Variants in WDR49 observed in about 807,000 individuals in gnomAD.
WDR49 encodes WD repeat domain 49, also known as cilia- and flagella-associated protein 337.
WDR49 carries 107 observed loss-of-function variants against 119.5 expected under a neutral mutation model. That is an observed-to-expected ratio of 0.90 (90% confidence interval 0.77 to 1.05). The LOEUF is 1.05. WDR49 is among the 50% of genes least tolerant of loss of function. The pLI is 0.00. For synonymous variants in WDR49, 425 were observed against 418.8 expected, an observed-to-expected ratio of 1.01 and a Z score of -0.18; for missense variants, 1,240 against 1,220.5, an observed-to-expected ratio of 1.02 and a Z score of -0.24.
chr3:167,617,905 C>A (rs1308931659), intron 5 of WDR49, among the ~76,000 whole-genome samples: 1 of 152,194 alleles, frequency 6.6e-6, no homozygotes, highest in Non-Finnish European at 1.5e-5. Context: ...CCATGCTGAA[C>A]AAACTACCAA....
intron 14 of WDR49, 133 bp downstream of exon 14, chr3:167,528,919 T>C (rs1752739622): frequency 1.7e-6 from 1 of 576,136 alleles, no homozygotes; most frequent in Non-Finnish European, 2.7e-6. Context: ...AACTTGTAAA[T>C]GTTTTATTTA....
intron 18 of WDR49, among the ~76,000 whole-genome samples, chr3:167,485,031 A>T (rs1373522310): frequency 6.6e-6 from 1 of 152,198 alleles, no homozygotes; most frequent in Non-Finnish European, 1.5e-5. Context: ...GAATGAGTTC[A>T]TGTCCTTTGC....
In WDR49 at chr3:167,601,607, AT is replaced by A. The variant is rs75763653; in HGVS notation, c.1275+519del. Reference sequence around the variant, plus strand: ...CTGGACTCTACGGCTCTAGTGCCATATTTTTTTTTCCACCATATTTAAAATA... The same window carrying A: ...CTGGACTCTACGGCTCTAGTGCCATATTTTTTTTCCACCATATTTAAAATA... On this transcript the variant is annotated intron_variant, in intron 7 of 18. Transcript: ENST00000682715. Among the ~76,000 whole-genome samples the A allele has an allele frequency of 9.9e-3, 1,500 of 151,530 alleles. 118 individuals are homozygous for A. In the East Asian group the frequency reaches 0.2, roughly 20 times the overall value.
chr3:167,525,342 T>C lies in WDR49; in HGVS notation c.2604+2478A>G, dbSNP rs755193316. Among the ~76,000 whole-genome samples, 72 of 152,136 alleles carry C rather than the reference T, an allele frequency of 4.7e-4. 1 individual carries two copies. Among genetic ancestry groups the C allele is most frequent in the Non-Finnish European group, 2.2e-4 (15 of 68,024 alleles). ...GGGGTTTTCTAAATATACAATCACG[T>C]TGTATGCAAACAGAGACAATTTGAC... On this transcript the variant is annotated intron_variant, in intron 15 of 18. Coordinates refer to ENST00000682715, the MANE Select transcript of WDR49 (RefSeq NM_001366157.1).
chr3:167,621,782 A>G, intron 3 of WDR49, 139 bp from the exon 4 acceptor site: 1 of 802,680 alleles, frequency 1.2e-6, no homozygotes, highest in South Asian at 2.2e-5. Flanking sequence ...GAAGTTAAGA[A>G]CAGCGGCACA....
intron 18 of WDR49, among the ~76,000 whole-genome samples, chr3:167,495,883 GAAAAAAAAA>G: frequency 0.21 from 15,211 of 71,746 alleles, 953 homozygotes; most frequent in African/African-American, 0.27. Context: ...TTAAAAATTT[GAAAAAAAAA>G]AAAAAAAAAA....
intron 2 of WDR49, among the ~76,000 whole-genome samples, chr3:167,652,154 G>C (rs1377976648): frequency 1.3e-5 from 2 of 152,136 alleles, no homozygotes; most frequent in Non-Finnish European, 2.9e-5. Flanking sequence ...AATATATGAA[G>C]GTTGAAATGA....
rs73878722 is a variant in WDR49, at chr3:167,484,109, G to A, written c.3032-5113C>T. Among the ~76,000 whole-genome samples, 140 of 152,258 alleles carry A rather than the reference G, an allele frequency of 9.2e-4. 1 individual carries two copies. Among genetic ancestry groups the A allele is most frequent in the African/African-American group, 3.0e-3 (124 of 41,550 alleles). The stretch of plus-strand genomic sequence containing the variant: ...ACCTTGCTGTGATGACTTTCTTGAT[G>A]TATTAAGTTGCCTAGGGTAAAGTCC... On this transcript the variant is annotated intron_variant, in intron 18 of 18. Coordinates refer to ENST00000682715, the MANE Select transcript of WDR49 (RefSeq NM_001366157.1).
intron 3 of WDR49, among the ~76,000 whole-genome samples, chr3:167,622,473 A>C (rs142323225): frequency 3.3e-5 from 5 of 152,184 alleles, no homozygotes; most frequent in African/African-American, 1.2e-4. Flanking sequence ...CATTCTGCCA[A>C]TCTTTGCCCT....
chr3:167,502,982 TC>T (rs1751633179), intron 17 of WDR49, among the ~76,000 whole-genome samples: 1 of 152,150 alleles, frequency 6.6e-6, no homozygotes, highest in Admixed American at 6.5e-5. Flanking sequence ...AGAGCTAATA[TC>T]CAAGACAACA....
chr3:167,547,535 A>G (rs1267018513), intron 10 of WDR49, among the ~76,000 whole-genome samples: 1 of 151,826 alleles, frequency 6.6e-6, no homozygotes, highest in Admixed American at 6.6e-5. Context: ...CACTCTCACC[A>G]GCCCTATTTA....
intron 16 of WDR49, among the ~76,000 whole-genome samples, chr3:167,515,578 A>G (rs1752165725): frequency 6.6e-6 from 1 of 152,188 alleles, no homozygotes; most frequent in Non-Finnish European, 1.5e-5. Context: ...AAACCGGCAC[A>G]AGACAAAGAT....
At chr3:167,570,335 G>A (rs1713858005) in intron 8 of WDR49, among the ~76,000 whole-genome samples, 1 of 151,962 alleles carries the variant, frequency 6.6e-6, no homozygotes, top group Non-Finnish European at 1.5e-5. Context: ...AATTACCAAG[G>A]GAACCACCAA....
intron 2 of WDR49, among the ~76,000 whole-genome samples, chr3:167,633,101 G>T (rs181542621): frequency 9.3e-4 from 141 of 151,872 alleles, no homozygotes; most frequent in Admixed American, 2.2e-3. Context: ...GTGTGTGTGT[G>T]TGTGTGTGTG....
intron 16 of WDR49, among the ~76,000 whole-genome samples, chr3:167,519,857 T>C (rs1752368477): frequency 6.6e-6 from 1 of 151,952 alleles, no homozygotes; most frequent in Admixed American, 6.6e-5. Flanking sequence ...CCAGGAACAA[T>C]AGAAAATAAA....
intron 7 of WDR49, among the ~76,000 whole-genome samples, chr3:167,580,660 T>C (rs1209725398): frequency 2.0e-5 from 3 of 152,160 alleles, no homozygotes; most frequent in African/African-American, 7.2e-5. Context: ...TTTTATTCAG[T>C]CTATATCCTT....
intron 2 of WDR49, among the ~76,000 whole-genome samples, chr3:167,644,724 C>T (rs993622850): frequency 2.0e-5 from 3 of 152,102 alleles, no homozygotes; most frequent in Admixed American, 1.3e-4. Context: ...ACATGTGGTA[C>T]ATTTTATATT....
intron 2 of WDR49, among the ~76,000 whole-genome samples, chr3:167,635,001 T>A (rs140107756): frequency 3.2e-4 from 48 of 151,956 alleles, no homozygotes; most frequent in African/African-American, 1.1e-3. Flanking sequence ...TATATATTGG[T>A]CTTTATTACA....
intron 3 of WDR49, among the ~76,000 whole-genome samples, chr3:167,622,054 G>C (rs756460278): frequency 3.3e-5 from 5 of 152,074 alleles, no homozygotes; most frequent in Non-Finnish European, 5.9e-5. Context: ...TCTATAAGTA[G>C]CTTTATCTGA....
Sources: gnomAD v4.1 joint callset for allele counts (sites outside exome capture counted in the v4.1 genomes callset) on GRCh38, gnomAD v4.1.1 for gene constraint, MANE v1.5 for transcripts, NCBI Gene and HGNC (gene_info 2026-07-23, HGNC 2026-07-21) for gene names.